The following NDUFAF6 variants were observed in gnomAD, a reference collection of about 807,000 sequenced individuals.
NDUFAF6 encodes the protein NADH:ubiquinone oxidoreductase complex assembly factor 6.
Under a neutral mutation model 40.8 loss-of-function variants are expected in NDUFAF6, and 45 were observed. The ratio of observed to expected loss-of-function variants is 1.10; its 90% CI spans 0.87 to 1.42. The LOEUF is 1.42. Among genes scored for constraint, NDUFAF6 ranks in the 40% most tolerant of loss-of-function variants. The pLI is 0.00. For synonymous variants in NDUFAF6, 185 were observed against 155.9 expected (o/e 1.19, Z -1.39); for missense variants, 435 against 418.5 (o/e 1.04, Z -0.34).
At chr8:94,955,843 G>A (rs949138912), upstream of NDUFAF6, among the ~76,000 whole-genome samples, 2 of 152,152 alleles carry the variant, frequency 1.3e-5, no homozygotes, top group African/African-American at 4.8e-5. Flanking sequence ...TGTATTATGT[G>A]AATGTTTAAA....
intron 1 of NDUFAF6, among the ~76,000 whole-genome samples, chr8:94,934,817 G>C (rs960220697): frequency 2.0e-5 from 3 of 152,098 alleles, no homozygotes; most frequent in Non-Finnish European, 4.4e-5. Flanking sequence ...TTAAATTTTT[G>C]TTGGAATGCC....
chr8:95,007,961 C>G (rs915936482), intron 2 of NDUFAF6, among the ~76,000 whole-genome samples: 2 of 152,074 alleles, frequency 1.3e-5, no homozygotes, highest in African/African-American at 4.8e-5. Context: ...TGAGCTCAAG[C>G]AATCCTCCCA....
chr8:94,972,751 T>G (rs1157623628), intron 1 of NDUFAF6, among the ~76,000 whole-genome samples: 1 of 27,778 alleles, frequency 3.6e-5, no homozygotes. Context: ...AAAAAAAAGA[T>G]CATCCAGGCA....
At chr8:94,930,242 A>C (rs1013673654) in intron 1 of NDUFAF6, 1 of 531,562 alleles carries the variant, frequency 1.9e-6, no homozygotes, top group South Asian at 2.7e-5. Context: ...AATTATATTG[A>C]TATGTTTCCA....
At chr8:94,966,179 C>T (rs1823999210) in intron 1 of NDUFAF6, among the ~76,000 whole-genome samples, 1 of 152,100 alleles carries the variant, frequency 6.6e-6, no homozygotes, top group Non-Finnish European at 1.5e-5. Flanking sequence ...TCTTAAATTA[C>T]AGAAGCAGAT....
At chr8:95,049,943 G>A (rs1017270520) in intron 7 of NDUFAF6, among the ~76,000 whole-genome samples, 6 of 152,162 alleles carry the variant, frequency 3.9e-5, no homozygotes, top group Admixed American at 2.6e-4. Context: ...TATTAAATAC[G>A]TAAGTAATCA....
chr8:94,949,615 G>T (rs1192371590), intron 2 of NDUFAF6, among the ~76,000 whole-genome samples: 1 of 151,944 alleles, frequency 6.6e-6, no homozygotes, highest in East Asian at 1.9e-4. Flanking sequence ...GGAGAGAGGG[G>T]CTAGGCCGGG....
downstream of NDUFAF6, among the ~76,000 whole-genome samples, chr8:95,080,842 T>C (rs997555712): frequency 6.6e-6 from 1 of 152,144 alleles, no homozygotes; most frequent in Non-Finnish European, 1.5e-5. Context: ...AGCAAGCTGT[T>C]TGAGCACAGC....
rs552524105 is a variant in NDUFAF6, at chr8:95,028,443, CTAAA to C, written c.197+3242_197+3245del. Among the ~76,000 whole-genome samples the C allele has an allele frequency of 3.1e-4, 47 of 152,192 alleles. 1 individual carries two copies. Among genetic ancestry groups the C allele is most frequent in the African/African-American group, 1.1e-3 (45 of 41,510 alleles). On this transcript the variant is annotated intron_variant, in intron 1 of 8. Coordinates refer to ENST00000396124, the MANE Select transcript of NDUFAF6 (RefSeq NM_152416.4). ...ATGATCCTAAGTGATGAAGAAATGG[CTAAA>C]TAATCAGTATATCATGTTTAATGTG...
intron 4 of NDUFAF6, among the ~76,000 whole-genome samples, chr8:95,112,280 T>C (rs1162481281): frequency 6.6e-6 from 1 of 152,184 alleles, no homozygotes; most frequent in African/African-American, 2.4e-5. Context: ...TAAAAAACCG[T>C]TCTTTGCAGA....
intron 1 of NDUFAF6, among the ~76,000 whole-genome samples, chr8:94,931,026 A>G (rs1281427607): frequency 6.6e-6 from 1 of 152,224 alleles, no homozygotes; most frequent in African/African-American, 2.4e-5. Context: ...ACACACATTT[A>G]TATAAGCTTG....
At chr8:94,923,401 A>G (rs1024956502) in intron 1 of NDUFAF6, among the ~76,000 whole-genome samples, 4 of 152,188 alleles carry the variant, frequency 2.6e-5, no homozygotes, top group Admixed American at 2.6e-4. Context: ...TACTAGTATG[A>G]CTGAAGAACT....
intron 2 of NDUFAF6, among the ~76,000 whole-genome samples, chr8:95,082,675 T>C (rs1283285120): frequency 6.6e-6 from 1 of 152,082 alleles, no homozygotes; most frequent in African/African-American, 2.4e-5. Context: ...TGTTTTGTTT[T>C]TTGAGACGGA....
intron 2 of NDUFAF6, among the ~76,000 whole-genome samples, chr8:95,092,264 C>G (rs1173650227): frequency 5.3e-5 from 8 of 150,716 alleles, no homozygotes; most frequent in Admixed American, 3.3e-4. Flanking sequence ...TCACTGCAAT[C>G]TCCGCATCCC....
At chr8:94,981,537 C>T (rs1308166538) in intron 2 of NDUFAF6, among the ~76,000 whole-genome samples, 2 of 152,140 alleles carry the variant, frequency 1.3e-5, no homozygotes, top group Non-Finnish European at 2.9e-5. Flanking sequence ...TTAAGCAACA[C>T]ATGGAAGGGA....
chr8:94,940,123 C>A (rs141483665), intron 1 of NDUFAF6: 1 of 1,614,112 alleles, frequency 6.2e-7, no homozygotes, highest in Non-Finnish European at 8.5e-7. Flanking sequence ...CAAGAGATGC[C>A]GGTAAACAGG....
At chr8:95,047,915 A>T (rs1307588025) in intron 6 of NDUFAF6, among the ~76,000 whole-genome samples, 1 of 151,500 alleles carries the variant, frequency 6.6e-6, no homozygotes, top group Non-Finnish European at 1.5e-5. Context: ...GTTAATTAAC[A>T]TCTTGTTGTG....
intron 1 of NDUFAF6, among the ~76,000 whole-genome samples, chr8:94,972,368 A>G (rs905768582): frequency 5.9e-5 from 9 of 152,078 alleles, no homozygotes; most frequent in Non-Finnish European, 1.0e-4. Flanking sequence ...CAGCCTGCCA[A>G]GTAGCTGGGA....
At chr8:95,013,483 C>T (rs1216815527) in intron 2 of NDUFAF6, among the ~76,000 whole-genome samples, 1 of 152,198 alleles carries the variant, frequency 6.6e-6, no homozygotes, top group Non-Finnish European at 1.5e-5. Flanking sequence ...AGAAGTCTTG[C>T]TTTCTTCAAA....
Sources: gnomAD v4.1 joint callset for allele counts (sites outside exome capture counted in the v4.1 genomes callset) on GRCh38, gnomAD v4.1.1 for gene constraint, MANE v1.5 for transcripts, NCBI Gene and HGNC (gene_info 2026-07-23, HGNC 2026-07-21) for gene names.